Variants in RSRC1 observed in about 807,000 individuals in gnomAD.
RSRC1 encodes the protein arginine and serine rich coiled-coil 1, also known as serine/Arginine-related protein 53.
In RSRC1, 39 loss-of-function variants were observed where a neutral mutation model predicts 49.1. That is an observed-to-expected ratio of 0.79 (90% CI 0.61 to 1.04). RSRC1 has a LOEUF of 1.04. Among genes scored for constraint, RSRC1 ranks in the 50% least tolerant of loss-of-function variants. The pLI is 0.00. For synonymous variants in RSRC1, 143 were observed against 130.8 expected (o/e 1.09, Z -0.63); for missense variants, 388 against 402.4 (o/e 0.96, Z 0.31).
At chr3:158,367,532 G>A (rs958081176) in intron 6 of RSRC1, among the ~76,000 whole-genome samples, 17 of 152,106 alleles carry the variant, frequency 1.1e-4, no homozygotes, top group Non-Finnish European at 1.9e-4. Flanking sequence ...GCTGGATTCA[G>A]TTTGCCAGTA....
chr3:158,522,145 T>A (rs1190061093), intron 7 of RSRC1, among the ~76,000 whole-genome samples: 1 of 152,136 alleles, frequency 6.6e-6, no homozygotes, highest in Non-Finnish European at 1.5e-5. Flanking sequence ...AAAATTAGCT[T>A]TGCATAGAAT....
chr3:158,205,369 GTTAAATA>G (rs907090623), intron 4 of RSRC1, among the ~76,000 whole-genome samples: 7 of 151,936 alleles, frequency 4.6e-5, no homozygotes, highest in Admixed American at 2.6e-4. Flanking sequence ...GTTAATTTTT[GTTAAATA>G]TTTAATATTT....
At chr3:158,244,857 G>A (rs556534872) in intron 4 of RSRC1, among the ~76,000 whole-genome samples, 16 of 152,094 alleles carry the variant, frequency 1.1e-4, no homozygotes, top group African/African-American at 2.6e-4. Context: ...ATCTTTGGAC[G>A]ATATACGTGT....
intron 3 of RSRC1, among the ~76,000 whole-genome samples, chr3:158,173,420 A>G (rs938884269): frequency 1.3e-5 from 2 of 152,008 alleles, no homozygotes; most frequent in African/African-American, 4.8e-5. Flanking sequence ...CGTTGTTATT[A>G]AGATCTAAAT....
chr3:158,283,329 T>TA (rs1487849243), intron 4 of RSRC1, among the ~76,000 whole-genome samples: 1 of 152,050 alleles, frequency 6.6e-6, no homozygotes, highest in Non-Finnish European at 1.5e-5. Flanking sequence ...ATAATTTTTT[T>TA]TCATGGAAGA....
chr3:158,124,062 A>G, intron 3 of RSRC1, 71 bp downstream of exon 3: 7 of 1,117,882 alleles, frequency 6.3e-6, no homozygotes, highest in Non-Finnish European at 8.6e-6. Flanking sequence ...AGCAACAATC[A>G]TTTATTTTCT....
intron 4 of RSRC1, among the ~76,000 whole-genome samples, chr3:158,254,398 T>G (rs111383028): frequency 0.029 from 4,421 of 152,168 alleles, 218 homozygotes; most frequent in African/African-American, 0.1. Context: ...TAAAAGCGTT[T>G]CTATTTCTCC....
chr3:158,421,672 A>C (rs1735066638), intron 6 of RSRC1, among the ~76,000 whole-genome samples: 1 of 151,886 alleles, frequency 6.6e-6, no homozygotes, highest in South Asian at 2.1e-4. Context: ...TTCTTAATGA[A>C]ACTATAAAAT....
intron 3 of RSRC1, among the ~76,000 whole-genome samples, chr3:158,151,726 TA>T (rs1717548735): frequency 6.6e-6 from 1 of 152,158 alleles, no homozygotes; most frequent in South Asian, 2.1e-4. Context: ...TTCTGATATG[TA>T]AATGCTACCC....
At chr3:158,320,870 T>G (rs1027519392) in intron 5 of RSRC1, among the ~76,000 whole-genome samples, 2 of 152,138 alleles carry the variant, frequency 1.3e-5, no homozygotes, top group African/African-American at 2.4e-5. Flanking sequence ...AATTAGTTAA[T>G]TATCATATCA....
intron 1 of RSRC1, among the ~76,000 whole-genome samples, chr3:158,118,476 G>GT (rs1393135702): frequency 3.4e-4 from 30 of 88,974 alleles, no homozygotes; most frequent in South Asian, 1.2e-3. Context: ...CGTGCGCGTG[G>GT]TTTTTTTAAA....
intron 5 of RSRC1, among the ~76,000 whole-genome samples, chr3:158,320,140 C>G (rs1175572785): frequency 6.6e-6 from 1 of 152,190 alleles, no homozygotes; most frequent in Non-Finnish European, 1.5e-5. Context: ...TACAATCACT[C>G]AGGAGCCTAA....
At chr3:158,313,109 C>T (rs1421566937) in intron 5 of RSRC1, among the ~76,000 whole-genome samples, 1 of 152,122 alleles carries the variant, frequency 6.6e-6, no homozygotes, top group African/African-American at 2.4e-5. Flanking sequence ...CCCCCCTCCC[C>T]TCACCCCTTG....
chr3:158,423,230 A>G (rs1373243060), intron 6 of RSRC1, among the ~76,000 whole-genome samples: 2 of 152,114 alleles, frequency 1.3e-5, no homozygotes, highest in Non-Finnish European at 2.9e-5. Flanking sequence ...TAAGTCTTTA[A>G]TCTATCTTGA....
At chr3:158,244,753 C>T (rs186296218) in intron 4 of RSRC1, among the ~76,000 whole-genome samples, 1 of 152,026 alleles carries the variant, frequency 6.6e-6, no homozygotes, top group Non-Finnish European at 1.5e-5. Flanking sequence ...TCCATCTGAT[C>T]CTGGGCTTTT....
rs537576429 is a variant in RSRC1 at position 158,266,760 on chromosome 3, T to A, written c.495-31279T>A. Among the ~76,000 whole-genome samples the A allele has an allele frequency of 2.6e-5, 4 of 152,252 alleles. No homozygotes were observed. In the South Asian group the frequency reaches 8.3e-4, roughly 32 times the overall value. ...TTTCACCTTCTTTTTTTTCCCCCTCTTTTTGATACAGGGTTTCACTCCTGT... is the reference window on the plus strand; with the variant it reads ...TTTCACCTTCTTTTTTTTCCCCCTCATTTTGATACAGGGTTTCACTCCTGT... On this transcript the variant is annotated intron_variant, in intron 4 of 9. Transcript: ENST00000611884.
At position 158,542,057 on chromosome 3, in the gene RSRC1, G is replaced by A. The variant is rs181041274; in HGVS notation, c.760-1278G>A. ...TTTTATTTTTTGCCAAAGATACATC[G>A]TACCTTTTTTTCAAACTTTTATATA... is the stretch of plus-strand genomic sequence containing the variant. On this transcript the variant is annotated intron_variant, in intron 8 of 9. Transcript: ENST00000611884. Among the ~76,000 whole-genome samples the A allele has an allele frequency of 5.1e-4, 78 of 152,106 alleles. 1 individual carries two copies. The highest frequency in any genetic ancestry group is 6.8e-3 in the Middle Eastern group (2 of 294).
At chr3:158,426,435 G>A (rs1735446725) in intron 6 of RSRC1, among the ~76,000 whole-genome samples, 1 of 151,504 alleles carries the variant, frequency 6.6e-6, no homozygotes. Flanking sequence ...AGTAACTCTA[G>A]TGGTCAGTTT....
At chr3:158,224,788 A>G (rs959273613) in intron 4 of RSRC1, among the ~76,000 whole-genome samples, 3 of 151,874 alleles carry the variant, frequency 2.0e-5, no homozygotes, top group Non-Finnish European at 2.9e-5. Flanking sequence ...TTTTAGATAT[A>G]ATTATTTTTA....
Sources: gnomAD v4.1 joint callset for allele counts (sites outside exome capture counted in the v4.1 genomes callset) on GRCh38, gnomAD v4.1.1 for gene constraint, MANE v1.5 for transcripts, NCBI Gene and HGNC (gene_info 2026-07-23, HGNC 2026-07-21) for gene names.